Variants in DNAJB6 observed in about 807,000 individuals in gnomAD.
DNAJB6 encodes the protein dnaJ homolog subfamily B member 6.
Under a neutral mutation model 42.7 loss-of-function variants are expected in DNAJB6, and 16 were observed. The ratio of observed to expected loss-of-function variants is 0.37; its 90% CI spans 0.25 to 0.57. The LOEUF (loss-of-function observed/expected upper bound fraction) is 0.57. Ranked by LOEUF, DNAJB6 falls within the 20% of genes least tolerant of loss-of-function variation. The pLI is 0.74. For missense variants in DNAJB6, 347 were observed against 416.8 expected (o/e 0.83, Z 1.46); for synonymous variants, 170 against 163.5 (o/e 1.04, Z -0.30).
rs1799425938 is a variant in DNAJB6 at position 157,358,619 on chromosome 7, C to T, written c.47C>T (p.Pro16Leu). The T allele has an allele frequency of 6.2e-7, 1 of 1,613,130 alleles. No individual in the cohort carries two copies. The highest frequency in any genetic ancestry group is 1.3e-5 in the African/African-American group (1 of 74,884). The change falls in exon 2 of 10, where the codon CCC becomes CTC. Residue 16 changes from proline to leucine, a missense_variant. Pro to Leu is a moderately conservative substitution (Grantham distance 98). Around this residue, in one of 3 missense-constraint regions of DNAJB6, gnomAD observed 78 missense variants for 102.1 expected, o/e 0.76. Coordinates refer to ENST00000262177, the MANE Select transcript of DNAJB6 (RefSeq NM_058246.4). ...CTAGGCGTGCAGAGACATGCCTCAC[C>T]CGAGGATATTAAAAAGGCGTAAGTA... Reference protein sequence around the residue: ...EVLGVQRHASPEDIKKAYRKL... With the variant: ...EVLGVQRHASLEDIKKAYRKL...
chr7:157,407,969 C>T (rs758928), intron 8 of DNAJB6, among the ~76,000 whole-genome samples: 82,717 of 151,978 alleles, frequency 0.54, 24,474 homozygotes, highest in Admixed American at 0.7. Context: ...GTGTGCATGG[C>T]GCCCGCGGGC....
rs1226948515 is a variant in DNAJB6, at chr7:157,364,103, A to AT, written c.175+847dup. On this transcript the variant is annotated intron_variant, in intron 3 of 9. Coordinates refer to ENST00000262177, the MANE Select transcript of DNAJB6 (RefSeq NM_058246.4). ...TTGGCCCTTATTTACAACAAAAAAA[A>AT]TTTTTTTTTTTTTTAAAGAACCCAA... Among the ~76,000 whole-genome samples the AT allele has an allele frequency of 4.6e-3, 671 of 147,118 alleles. 2 individuals carry two copies. The highest frequency in any genetic ancestry group is 0.018 in the Middle Eastern group (5 of 282).
intron 8 of DNAJB6, among the ~76,000 whole-genome samples, chr7:157,408,610 C>T (rs891353364): frequency 3.4e-4 from 52 of 152,240 alleles, no homozygotes; most frequent in African/African-American, 1.1e-3. Flanking sequence ...AGAGCAGGTT[C>T]CTTCCTGACC....
chr7:157,372,746 CA>C (rs1217340827), intron 5 of DNAJB6, among the ~76,000 whole-genome samples: 1 of 152,092 alleles, frequency 6.6e-6, no homozygotes, highest in South Asian at 2.1e-4. Flanking sequence ...CTTAAACTAC[CA>C]AAATGTACCA....
At chr7:157,369,188 C>T (rs1468891014) in intron 5 of DNAJB6, 5 of 436,436 alleles carry the variant, frequency 1.1e-5, no homozygotes, top group African/African-American at 1.0e-4. Context: ...TCACTGCTGC[C>T]ATCAGCAGAA....
intron 5 of DNAJB6, among the ~76,000 whole-genome samples, chr7:157,373,486 G>A (rs1800319846): frequency 6.6e-6 from 1 of 152,186 alleles, no homozygotes; most frequent in Non-Finnish European, 1.5e-5. Flanking sequence ...AAGTAGCTGG[G>A]ATTTCAGGTA....
At chr7:157,373,437 G>A (rs1413639127) in intron 5 of DNAJB6, among the ~76,000 whole-genome samples, 2 of 151,894 alleles carry the variant, frequency 1.3e-5, no homozygotes, top group African/African-American at 4.8e-5. Flanking sequence ...TGCAACTTCC[G>A]CCTCCCAGGT....
chr7:157,363,614 C>T (rs1799712864), intron 3 of DNAJB6, among the ~76,000 whole-genome samples: 1 of 152,152 alleles, frequency 6.6e-6, no homozygotes, highest in Non-Finnish European at 1.5e-5. Flanking sequence ...TGTGTGTGAT[C>T]ATTCTGACCT....
intron 8 of DNAJB6, among the ~76,000 whole-genome samples, chr7:157,392,861 T>G (rs533942430): frequency 6.6e-4 from 100 of 152,342 alleles, no homozygotes; most frequent in African/African-American, 2.3e-3. Flanking sequence ...TACATGAAGC[T>G]GGGAATGCCG....
In DNAJB6 at chr7:157,382,328, G is replaced by C. The variant is rs150709673; in HGVS notation, c.429G>C (p.Ala143=). ...GAGGGACGGGGTCGTTTTTCTCTGC[G>C]TTCAGTGGATTTCCGTCTTTTGGAA... ...RSRGTGSFFS[A]FSGFPSFGSG... Residue 143 remains alanine (A), a synonymous_variant, in exon 6 of 10, where the codon GCG becomes GCC. Transcript: ENST00000262177. 1.3e-4 allele frequency: 211 copies of C among 1,611,730 alleles called. No individual in the cohort carries two copies. The African/African-American group carries it at 2.6e-3, about 20-fold the overall frequency.
chr7:157,357,256 T>TTCCTTCCG (rs1415072375), intron 1 of DNAJB6, among the ~76,000 whole-genome samples: 1 of 74,900 alleles, frequency 1.3e-5, no homozygotes, highest in Non-Finnish European at 2.9e-5. Flanking sequence ...CCTTCCTTCC[T>TTCCTTCCG]TCCTTCCGTC....
At chr7:157,341,649 C>G (rs1455783170) in intron 1 of DNAJB6, among the ~76,000 whole-genome samples, 2 of 152,178 alleles carry the variant, frequency 1.3e-5, no homozygotes, top group Non-Finnish European at 2.9e-5. Flanking sequence ...TCTCTGCCAC[C>G]TTGAGATGGC....
At chr7:157,346,039 CA>C (rs79557813) in intron 1 of DNAJB6, among the ~76,000 whole-genome samples, 81,768 of 151,494 alleles carry the variant, frequency 0.54, 22,377 homozygotes, top group East Asian at 0.76. Context: ...TGAGGGCCCA[CA>C]TTTTTCTGGG....
intron 4 of DNAJB6, among the ~76,000 whole-genome samples, chr7:157,367,155 G>A (rs187086545): frequency 4.7e-4 from 71 of 152,338 alleles, no homozygotes; most frequent in Middle Eastern, 3.4e-3. Flanking sequence ...GAAAAGTAGT[G>A]TCGAAGGGGC....
chr7:157,389,059 A>G (rs992741751), intron 8 of DNAJB6, among the ~76,000 whole-genome samples: 1 of 152,210 alleles, frequency 6.6e-6, no homozygotes, highest in Non-Finnish European at 1.5e-5. Context: ...AGTTAGTGTC[A>G]CCATTTGCTA....
intron 8 of DNAJB6, 129 bp from the exon 9 acceptor site, chr7:157,409,666 T>C: frequency 9.3e-7 from 1 of 1,079,044 alleles, no homozygotes; most frequent in Non-Finnish European, 1.3e-6. Flanking sequence ...AGATAACCTC[T>C]TTCTCCTGCC....
intron 1 of DNAJB6, among the ~76,000 whole-genome samples, chr7:157,338,334 TCC>T (rs1196698080): frequency 6.6e-6 from 1 of 150,766 alleles, no homozygotes. Context: ...ACTCCAGACT[TCC>T]TTTTTTTTTT....
intron 8 of DNAJB6, among the ~76,000 whole-genome samples, chr7:157,392,343 G>A (rs1388971417): frequency 6.7e-6 from 1 of 150,034 alleles, no homozygotes; most frequent in African/African-American, 2.4e-5. Context: ...TCTTTAGCCT[G>A]CTGTGTTGAA....
At chr7:157,370,191 C>T (rs1274064835) in intron 5 of DNAJB6, among the ~76,000 whole-genome samples, 1 of 150,630 alleles carries the variant, frequency 6.6e-6, no homozygotes, top group African/African-American at 2.5e-5. Context: ...CAGGCCCCTT[C>T]TTAACATTAT....
Sources: allele counts gnomAD v4.1 joint callset (sites outside exome capture counted in the v4.1 genomes callset), GRCh38; gene constraint gnomAD v4.1.1; regional missense constraint gnomAD v4.1.1; transcripts MANE v1.5; gene names NCBI Gene and HGNC (gene_info 2026-07-23, HGNC 2026-07-21).